Variants in ARMC2 observed in about 807,000 individuals in gnomAD.
ARMC2 encodes armadillo repeat containing 2.
Under a neutral mutation model 90.3 loss-of-function variants are expected in ARMC2, and 67 were observed. That is an observed-to-expected ratio of 0.74 (90% CI 0.61 to 0.91). ARMC2 has a LOEUF of 0.91. Among genes scored for constraint, ARMC2 ranks in the 40% least tolerant of loss-of-function variants. The probability of loss-of-function intolerance (pLI) is 0.00; values close to 1 mark genes in which losing one functional copy is unlikely to be tolerated. For missense variants in ARMC2, 920 were observed against 1,030.9 expected (o/e 0.89, Z 1.47); for synonymous variants, 393 against 393.0 (o/e 1.00, Z 0.00).
intron 17 of ARMC2, among the ~76,000 whole-genome samples, chr6:108,971,561 T>C (rs941311701): frequency 3.3e-5 from 5 of 152,100 alleles, no homozygotes; most frequent in African/African-American, 4.8e-5. Flanking sequence ...AAATATTCAG[T>C]GTAGAAAATC....
At chr6:109,040,261 A>T in the ARMC2 span, among the ~76,000 whole-genome samples, 1 of 152,176 alleles carries the variant, frequency 6.6e-6, no homozygotes. Flanking sequence ...CCTCTCCTTT[A>T]TATGACATTC....
chr6:108,921,613 C>T (rs1231455116), intron 10 of ARMC2, among the ~76,000 whole-genome samples: 3 of 152,150 alleles, frequency 2.0e-5, no homozygotes, highest in Admixed American at 6.5e-5. Context: ...TATGAAACTT[C>T]TTGGGTTACC....
At chr6:108,998,710 C>A in the ARMC2 span, 1 of 1,613,666 alleles carries the variant, frequency 6.2e-7, no homozygotes, top group Non-Finnish European at 8.5e-7. Flanking sequence ...ACTGCATGTA[C>A]CAATTCCGCA....
At chr6:108,913,826 C>T (rs1024399213) in intron 10 of ARMC2, among the ~76,000 whole-genome samples, 96 of 152,184 alleles carry the variant, frequency 6.3e-4, no homozygotes, top group African/African-American at 2.2e-3. Flanking sequence ...ATTGTTCACA[C>T]TGATGTGTTC....
intron 3 of ARMC2, among the ~76,000 whole-genome samples, chr6:108,864,714 G>C (rs2128424765): frequency 6.6e-6 from 1 of 152,292 alleles, no homozygotes; most frequent in Admixed American, 6.5e-5. Context: ...GATCGGGGGA[G>C]ACCCTGTTGG....
the ARMC2 span, among the ~76,000 whole-genome samples, chr6:109,030,743 G>T: frequency 2.0e-5 from 3 of 152,138 alleles, no homozygotes; most frequent in South Asian, 2.1e-4. Flanking sequence ...ATGTATATAG[G>T]ATTTTATGGT....
chr6:109,050,389 A>T, the ARMC2 span, among the ~76,000 whole-genome samples: 2 of 83,252 alleles, frequency 2.4e-5, no homozygotes, highest in Non-Finnish European at 2.3e-5. Flanking sequence ...TTAAATTGTT[A>T]AAAAAAAAAA....
chr6:108,851,089 CTCA>C (rs1401124259), intron 1 of ARMC2, among the ~76,000 whole-genome samples: 1 of 152,202 alleles, frequency 6.6e-6, no homozygotes, highest in Non-Finnish European at 1.5e-5. Flanking sequence ...ATTTGATCTG[CTCA>C]TCAACTTTTG....
At chr6:108,850,506 G>A (rs559108267) in intron 1 of ARMC2, among the ~76,000 whole-genome samples, 3 of 152,068 alleles carry the variant, frequency 2.0e-5, no homozygotes, top group Admixed American at 6.5e-5. Flanking sequence ...CAGGCTTTCC[G>A]TACTTCACTC....
chr6:108,872,065 T>C (rs899285621), intron 4 of ARMC2, among the ~76,000 whole-genome samples: 4 of 152,244 alleles, frequency 2.6e-5, no homozygotes, highest in Non-Finnish European at 4.4e-5. Context: ...ATTTCAGATC[T>C]TCTCTATTGT....
chr6:108,927,636 C>T (rs1224304148), intron 10 of ARMC2, among the ~76,000 whole-genome samples: 2 of 150,712 alleles, frequency 1.3e-5, no homozygotes, highest in Non-Finnish European at 2.9e-5. Flanking sequence ...TTAAATATTC[C>T]TTGGCCACAT....
chr6:109,034,498 C>T, the ARMC2 span, among the ~76,000 whole-genome samples: 1 of 152,080 alleles, frequency 6.6e-6, no homozygotes, highest in African/African-American at 2.4e-5. Context: ...ATTTACTGAT[C>T]AGCATCGTAG....
At chr6:108,986,973 GTAGGAATTC>G in the ARMC2 span, 1 of 152,660 alleles carries the variant, frequency 6.6e-6, no homozygotes, top group Admixed American at 6.5e-5. Context: ...AGCTGTGTGA[GTAGGAATTC>G]TATGCTTTTT....
the ARMC2 span, among the ~76,000 whole-genome samples, chr6:108,989,725 C>G: frequency 1.3e-5 from 2 of 152,030 alleles, no homozygotes; most frequent in African/African-American, 4.8e-5. Context: ...GCAGGGGCTG[C>G]GAGGAGAAGG....
At chr6:108,870,656 AAAGAC>A (rs1303718419) in intron 4 of ARMC2, among the ~76,000 whole-genome samples, 1 of 151,982 alleles carries the variant, frequency 6.6e-6, no homozygotes, top group Non-Finnish European at 1.5e-5. Flanking sequence ...AGAGAAGAGA[AAAGAC>A]AAGACAATGA....
intron 1 of ARMC2, among the ~76,000 whole-genome samples, chr6:108,849,501 C>T (rs1194581233): frequency 6.6e-6 from 1 of 152,150 alleles, no homozygotes; most frequent in Non-Finnish European, 1.5e-5. Context: ...GTACATTGTG[C>T]ACATGTACCC....
At chr6:108,909,780 A>G (rs1479029497) in intron 8 of ARMC2, among the ~76,000 whole-genome samples, 1 of 152,068 alleles carries the variant, frequency 6.6e-6, no homozygotes, top group Non-Finnish European at 1.5e-5. Context: ...ATGATCCACC[A>G]GCCTCAGCCT....
At chr6:108,902,810 C>T (rs1051711850) in intron 7 of ARMC2, among the ~76,000 whole-genome samples, 13 of 152,106 alleles carry the variant, frequency 8.5e-5, no homozygotes, top group Non-Finnish European at 1.8e-4. Context: ...TATTATTTGA[C>T]AGAATACATT....
At chr6:108,986,006 C>T in the ARMC2 span, among the ~76,000 whole-genome samples, 1 of 152,164 alleles carries the variant, frequency 6.6e-6, no homozygotes, top group South Asian at 2.1e-4. Flanking sequence ...CCTACTTCCA[C>T]ACTACCCCAT....
Sources: allele counts gnomAD v4.1 joint callset (sites outside exome capture counted in the v4.1 genomes callset), GRCh38; gene constraint gnomAD v4.1.1; transcripts MANE v1.5; gene names NCBI Gene and HGNC (gene_info 2026-07-23, HGNC 2026-07-21).